Variants in ELAVL2 observed in about 807,000 individuals in gnomAD.
The protein encoded by ELAVL2 is ELAV-like protein 2.
ELAVL2 carries 4 observed loss-of-function variants against 34.6 expected under a neutral mutation model. That is an observed-to-expected ratio of 0.12 (90% CI 0.06 to 0.26). The LOEUF is 0.26. ELAVL2 is among the 10% of genes least tolerant of loss of function. The pLI is 1.00. For missense variants in ELAVL2, 432 were observed against 442.8 expected, an observed-to-expected ratio of 0.98 and a Z score of 0.22; for synonymous variants, 193 against 154.8, an observed-to-expected ratio of 1.25 and a Z score of -1.83.
chr9:23,710,560 C>T (rs1587503960), intron 3 of ELAVL2, among the ~76,000 whole-genome samples: 1 of 152,186 alleles, frequency 6.6e-6, no homozygotes, highest in Non-Finnish European at 1.5e-5. Context: ...CTGCTAAGAT[C>T]ACCACTGAAC....
intron 1 of ELAVL2, among the ~76,000 whole-genome samples, chr9:23,819,418 T>C (rs2064204190): frequency 1.3e-5 from 2 of 152,172 alleles, no homozygotes; most frequent in South Asian, 4.1e-4. Flanking sequence ...TAGTAACCTT[T>C]TGACACTGAG....
intron 3 of ELAVL2, among the ~76,000 whole-genome samples, chr9:23,710,974 C>T (rs1317208059): frequency 6.6e-6 from 1 of 152,112 alleles, no homozygotes; most frequent in East Asian, 1.9e-4. Flanking sequence ...AAGATGTGTA[C>T]TTTGATCTGC....
chr9:23,727,179 T>C (rs758242604), intron 3 of ELAVL2, among the ~76,000 whole-genome samples: 1 of 152,102 alleles, frequency 6.6e-6, no homozygotes, highest in South Asian at 2.1e-4. Flanking sequence ...ACAGGGATGA[T>C]GTCATTTCAC....
At chr9:23,726,854 T>G (rs919855777) in intron 3 of ELAVL2, among the ~76,000 whole-genome samples, 2 of 151,884 alleles carry the variant, frequency 1.3e-5, no homozygotes, top group Non-Finnish European at 2.9e-5. Context: ...ATAAAATGAG[T>G]AGAGAAAGAG....
chr9:23,823,225 T>A (rs560847658), intron 1 of ELAVL2, among the ~76,000 whole-genome samples: 1 of 152,190 alleles, frequency 6.6e-6, no homozygotes, highest in African/African-American at 2.4e-5. Flanking sequence ...CTTTGACCTC[T>A]CAGTAAATAG....
chr9:23,780,947 A>T (rs2058976154), intron 1 of ELAVL2, among the ~76,000 whole-genome samples: 1 of 152,204 alleles, frequency 6.6e-6, no homozygotes, highest in Non-Finnish European at 1.5e-5. Flanking sequence ...CTAACAAACT[A>T]ACAGGGATAT....
At chr9:23,761,958 T>C (rs529327474) in intron 2 of ELAVL2, 48 bp downstream of exon 2, 2 of 1,552,238 alleles carry the variant, frequency 1.3e-6, no homozygotes, top group South Asian at 2.5e-5. Context: ...TTCTCCTATC[T>C]TGAGACACGA....
intron 1 of ELAVL2, among the ~76,000 whole-genome samples, chr9:23,795,546 AAAAAAT>A (rs2060817189): frequency 6.6e-6 from 1 of 152,164 alleles, no homozygotes; most frequent in African/African-American, 2.4e-5. Flanking sequence ...CTCCATCTCA[AAAAAAT>A]AAAAATAAAA....
chr9:23,708,120 A>G (rs1478408257), intron 3 of ELAVL2, among the ~76,000 whole-genome samples: 3 of 152,204 alleles, frequency 2.0e-5, no homozygotes, highest in African/African-American at 4.8e-5. Flanking sequence ...AAAAGGCTCC[A>G]AGACAAACCT....
intron 1 of ELAVL2, among the ~76,000 whole-genome samples, chr9:23,782,117 G>A (rs142003149): frequency 0.03 from 4,498 of 152,178 alleles, 90 homozygotes; most frequent in East Asian, 0.076. Flanking sequence ...CACCATGCCC[G>A]ACCAAGAAGT....
At chr9:23,795,239 G>A (rs1463821828) in intron 1 of ELAVL2, among the ~76,000 whole-genome samples, 1 of 152,134 alleles carries the variant, frequency 6.6e-6, no homozygotes, top group Non-Finnish European at 1.5e-5. Flanking sequence ...TCCTGCCAGT[G>A]TCTATTTAAG....
intron 1 of ELAVL2, among the ~76,000 whole-genome samples, chr9:23,779,895 C>T (rs1483950130): frequency 1.3e-5 from 2 of 148,234 alleles, no homozygotes; most frequent in South Asian, 2.1e-4. Context: ...TCCTTATCAA[C>T]TGCAAACCTT....
In ELAVL2 at chr9:23,718,039, T is replaced by C. The variant is rs548051898; in HGVS notation, c.334-12968A>G. On this transcript the variant is annotated intron_variant, in intron 3 of 6. Coordinates refer to ENST00000397312, the MANE Select transcript of ELAVL2 (RefSeq NM_004432.5). ...CACCATGCACATCTTTTAAAGCTAC[T>C]GACCTTTCCTACAAACTTGGAGACA... Among the ~76,000 whole-genome samples, 154 of 152,338 alleles carry C rather than the reference T, an allele frequency of 1.0e-3. No individual in the cohort carries two copies. The Middle Eastern group carries it at 0.014, about 13-fold the overall frequency.
At chr9:23,787,953 C>A (rs1306157911) in intron 1 of ELAVL2, among the ~76,000 whole-genome samples, 1 of 152,104 alleles carries the variant, frequency 6.6e-6, no homozygotes, top group Non-Finnish European at 1.5e-5. Context: ...CTGATCCAGA[C>A]TAACTTCAGG....
At chr9:23,719,135 A>G (rs1480560638) in intron 3 of ELAVL2, among the ~76,000 whole-genome samples, 1 of 152,200 alleles carries the variant, frequency 6.6e-6, no homozygotes, top group Admixed American at 6.5e-5. Flanking sequence ...GTTCTAAGAC[A>G]AAGTGTTCTC....
In ELAVL2 at chr9:23,825,906, A is replaced by G. The variant is rs2065266651; in HGVS notation, c.-116T>C. 1 of 152,230 alleles carries G rather than the reference A, an allele frequency of 6.6e-6. No homozygotes were observed. Among genetic ancestry groups the G allele is most frequent in the Non-Finnish European group, 1.5e-5 (1 of 68,050 alleles). The allele number at this position is 152,230 out of a possible 1,614,324, so 9.4% of individuals were successfully genotyped here. ...AGCTGCTGGATAGTTCTCTTAAGAC[A>G]GCACGAAACCTAAACTGTGCTCGGC... On this transcript the variant is annotated 5_prime_UTR_variant, in exon 1 of 7. Coordinates refer to ENST00000397312, the MANE Select transcript of ELAVL2 (RefSeq NM_004432.5).
chr9:23,762,131 T>G lies in ELAVL2; in HGVS notation c.104A>C (p.Glu35Ala). 1 of 1,613,638 alleles carries G rather than the reference T, an allele frequency of 6.2e-7. No homozygotes were observed. The highest frequency in any genetic ancestry group is 8.5e-7 in the Non-Finnish European group (1 of 1,179,626). Reference protein sequence around the residue: ...CSSPVDSGNTEDSKTNLIVNY... With the variant: ...CSSPVDSGNTADSKTNLIVNY... ...GACTATTAAGTTGGTCTTGCTGTCT[T>G]CTGTGTTCCCAGAGTCAACTGGTGA... Residue 35 changes from glutamate to alanine, a missense_variant, in exon 2 of 7, where the codon GAA becomes GCA. Glu to Ala is a moderately radical substitution (Grantham distance 107). This residue lies in a region of ELAVL2 where 132 missense variants were observed against 118.3 expected (regional missense o/e 1.12). Transcript: ENST00000397312.
At chr9:23,737,389 G>A (rs1444727814) in intron 2 of ELAVL2, among the ~76,000 whole-genome samples, 2 of 152,148 alleles carry the variant, frequency 1.3e-5, no homozygotes, top group East Asian at 3.9e-4. Context: ...GAAGTCATAC[G>A]AGTTTTAAAT....
chr9:23,800,048 A>T (rs1488345724), intron 1 of ELAVL2, among the ~76,000 whole-genome samples: 2 of 152,220 alleles, frequency 1.3e-5, no homozygotes, highest in Non-Finnish European at 2.9e-5. Context: ...CAAAAGCCTT[A>T]AAGTCCAATA....
Sources: allele counts gnomAD v4.1 joint callset (sites outside exome capture counted in the v4.1 genomes callset), GRCh38; gene constraint gnomAD v4.1.1; regional missense constraint gnomAD v4.1.1; transcripts MANE v1.5; gene names NCBI Gene and HGNC (gene_info 2026-07-23, HGNC 2026-07-21).